The following ACACB variants were observed in gnomAD, a reference collection of about 807,000 sequenced individuals.
The protein encoded by ACACB is acetyl-CoA carboxylase beta.
A neutral mutation model predicts 278.8 loss-of-function variants in ACACB; 209 were observed. The ratio of observed to expected loss-of-function variants is 0.75; its 90% CI spans 0.67 to 0.84. ACACB has a LOEUF of 0.84. Among genes scored for constraint, ACACB ranks in the 40% least tolerant of loss-of-function variants. ACACB has a pLI of 0.00. For synonymous variants in ACACB, 1,174 were observed against 1,285.6 expected (o/e 0.91, Z 1.86); for missense variants, 2,850 against 3,269.0 (o/e 0.87, Z 3.13).
At chr12:109,166,478 T>G (rs774219185) in intron 2 of ACACB, among the ~76,000 whole-genome samples, 1 of 150,326 alleles carries the variant, frequency 6.7e-6, no homozygotes, top group Non-Finnish European at 1.5e-5. Context: ...CATCAAGAGT[T>G]TGGACGAGCC....
chr12:109,247,621 T>C lies in ACACB; in HGVS notation c.5587T>C (p.Tyr1863His), dbSNP rs774939307. The C allele has an allele frequency of 5.0e-6, 8 of 1,613,604 alleles. No homozygotes were observed. Among genetic ancestry groups the C allele is most frequent in the Admixed American group, 1.7e-5 (1 of 60,022 alleles). Residue 1863 changes from tyrosine (Y) to histidine (H), a missense_variant, in exon 40 of 53, where the codon TAC (tyrosine) becomes CAC (histidine). Tyr to His is a moderately conservative substitution (Grantham distance 83, BLOSUM62 2). Transcript: ENST00000338432. ...ATTTTTTAAGGGATTTAAATACCTG[T>C]ACCTGACTCCCCAAGACTACACCAG... is the stretch of plus-strand genomic sequence containing the variant. ...EDPHKGFKYL[Y>H]LTPQDYTRIS...
intron 2 of ACACB, among the ~76,000 whole-genome samples, chr12:109,146,775 A>G (rs1363257854): frequency 6.6e-6 from 1 of 152,042 alleles, no homozygotes; most frequent in Non-Finnish European, 1.5e-5. Flanking sequence ...CCTGGGCTCA[A>G]GTGATCCTCC....
chr12:109,169,396 A>G (rs988021283), intron 4 of ACACB, among the ~76,000 whole-genome samples: 1 of 152,180 alleles, frequency 6.6e-6, no homozygotes, highest in African/African-American at 2.4e-5. Flanking sequence ...TCACACAACC[A>G]TCATGTGATG....
Position 109,133,863 on chromosome 12 carries a change from A to ATATTTT in ACACB, c.-9-5533_-9-5532insATTTTT, listed in dbSNP as rs55881936. 1.4e-4 allele frequency among the ~76,000 whole-genome samples: 10 copies of ATATTTT among 70,630 alleles called. 1 individual carries two copies. Among genetic ancestry groups the ATATTTT allele is most frequent in the African/African-American group, 4.4e-4 (5 of 11,272 alleles). The allele number at this position is 70,630 out of a possible 152,430, so 46.3% of individuals were successfully genotyped here. A position where few individuals can be genotyped will look rare whatever the true frequency, so the allele number is the denominator to read the frequency against. On this transcript the variant is annotated intron_variant, in intron 1 of 52. Coordinates refer to ENST00000338432, the MANE Select transcript of ACACB (RefSeq NM_001093.4). ...TATATATATATATATATATATATAT[A>ATATTTT]TTTTTTTTTTTTTTTTTTTCATTTT...
At chr12:109,182,154 T>G (rs1219471656) in intron 11 of ACACB, among the ~76,000 whole-genome samples, 4 of 152,110 alleles carry the variant, frequency 2.6e-5, no homozygotes, top group Non-Finnish European at 5.9e-5. Flanking sequence ...CTAGTATTTC[T>G]TATTGCCTGT....
chr12:109,148,821 T>C (rs1417408358), intron 2 of ACACB, among the ~76,000 whole-genome samples: 1 of 152,170 alleles, frequency 6.6e-6, no homozygotes, highest in Non-Finnish European at 1.5e-5. Context: ...TATGTGTTTG[T>C]ATGTGTGTGT....
At chr12:109,147,231 T>C (rs1206089883) in intron 2 of ACACB, among the ~76,000 whole-genome samples, 1 of 151,894 alleles carries the variant, frequency 6.6e-6, no homozygotes, top group Non-Finnish European at 1.5e-5. Flanking sequence ...TTTTTGTTTG[T>C]TTGTTTGTTT....
At chr12:109,189,127 G>A (rs2044773872) in intron 13 of ACACB, among the ~76,000 whole-genome samples, 1 of 152,146 alleles carries the variant, frequency 6.6e-6, no homozygotes, top group Non-Finnish European at 1.5e-5. Flanking sequence ...ACATGGGTGT[G>A]GAAAGGTATA....
Position 109,258,403 on chromosome 12 carries a change from C to T in ACACB, c.6360+39C>T, listed in dbSNP as rs554267608. On this transcript the variant is annotated intron_variant, in intron 46 of 52. Transcript: ENST00000338432. ...GAGCTGTGGCTGCTGGTTTAGCCAG[C>T]GGTACTGTCGAGAGTGGGTCCTGGG... 103 of 1,552,380 alleles carry T rather than the reference C, an allele frequency of 6.6e-5. 2 individuals are homozygous for T. In the South Asian group the frequency reaches 1.1e-3, roughly 16 times the overall value.
chr12:109,178,614 G>A (rs958599073), intron 9 of ACACB, among the ~76,000 whole-genome samples: 7 of 152,278 alleles, frequency 4.6e-5, no homozygotes, highest in Admixed American at 1.3e-4. Flanking sequence ...TTGGGCTGGC[G>A]GTGCAGCTGG....
rs1018065853 is a variant in ACACB, at chr12:109,187,766, C to T, written c.1981-233C>T. Among the ~76,000 whole-genome samples, 5 of 152,002 alleles carry T rather than the reference C, an allele frequency of 3.3e-5. No homozygotes were observed. In the East Asian group the frequency reaches 9.7e-4, roughly 29 times the overall value. ...TGAGCCACTGCGACTGAACCAACTT[C>T]GTTATTTTTTTACAGTTAAAAAAAA... On this transcript the variant is annotated intron_variant, in intron 12 of 52. Transcript: ENST00000338432.
intron 50 of ACACB, 42 bp from the exon 51 acceptor site, chr12:109,265,065 TCTC>T (rs1452828281): frequency 7.0e-6 from 11 of 1,569,378 alleles, no homozygotes; most frequent in African/African-American, 1.4e-5. Context: ...CAGTGTCCCG[TCTC>T]CTCCTTCCCT....
chr12:109,238,358 T>A (rs1447463568), intron 34 of ACACB, among the ~76,000 whole-genome samples: 2 of 144,098 alleles, frequency 1.4e-5, no homozygotes, highest in Non-Finnish European at 3.0e-5. Context: ...TTTTTTTTTT[T>A]ACTAATCCCC....
rs1456638163 is a variant in ACACB at position 109,251,745 on chromosome 12, A to G, written c.5791-301A>G. On this transcript the variant is annotated intron_variant, in intron 41 of 52. Transcript: ENST00000338432. The stretch of plus-strand genomic sequence containing the variant: ...GGTTGTTAAGAGGCTGCAATGGCCC[A>G]TGAATGCCCAGGCTCAGAAGAGCTG... Among the ~76,000 whole-genome samples, 15 of 152,336 alleles carry G rather than the reference A, an allele frequency of 9.8e-5. No homozygotes were observed. In the East Asian group the frequency reaches 2.7e-3, roughly 27 times the overall value.
chr12:109,228,755 G>T (rs2046390122), intron 28 of ACACB, among the ~76,000 whole-genome samples: 2 of 152,078 alleles, frequency 1.3e-5, no homozygotes, highest in South Asian at 2.1e-4. Flanking sequence ...ATTCTGTCAT[G>T]GTAGAAAGTT....
intron 1 of ACACB, among the ~76,000 whole-genome samples, chr12:109,136,035 T>C (rs2042959285): frequency 6.6e-6 from 1 of 152,012 alleles, no homozygotes; most frequent in Non-Finnish European, 1.5e-5. Context: ...ATAGTCTTGA[T>C]CTCCTGACCT....
Position 109,199,384 on chromosome 12 carries a change from A to G in ACACB, c.2628-18A>G. On this transcript the variant is annotated intron_variant, in intron 17 of 52. Coordinates refer to ENST00000338432, the MANE Select transcript of ACACB (RefSeq NM_001093.4). ...TAGTCCTCATCAGTCTCCCTACCCG[A>G]CTCCTCCTCTCTCCCAGTTACCGAA... The G allele has an allele frequency of 6.9e-7, 1 of 1,454,388 alleles. No homozygotes were observed. Among genetic ancestry groups the G allele is most frequent in the Non-Finnish European group, 9.1e-7 (1 of 1,096,394 alleles). The allele number at this position is 1,454,388 out of a possible 1,614,324, so 90.1% of individuals were successfully genotyped here. A position where few individuals can be genotyped will look rare whatever the true frequency, so the allele number is the denominator to read the frequency against.
chr12:109,163,072 CGCCACCAAGCCCG>C, intron 2 of ACACB, among the ~76,000 whole-genome samples: 1 of 152,178 alleles, frequency 6.6e-6, no homozygotes, highest in East Asian at 1.9e-4. Flanking sequence ...TACAGGTGCA[CGCCACCAAGCCCG>C]GCTAATTTTT....
chr12:109,202,220 C>G (rs2045356735), intron 19 of ACACB, among the ~76,000 whole-genome samples: 1 of 117,618 alleles, frequency 8.5e-6, no homozygotes, highest in Non-Finnish European at 2.1e-5. Flanking sequence ...ATGTACAGAA[C>G]AGTTATGTAA....
Sources: allele counts gnomAD v4.1 joint callset (sites outside exome capture counted in the v4.1 genomes callset), GRCh38; gene constraint gnomAD v4.1.1; transcripts MANE v1.5; gene names NCBI Gene and HGNC (gene_info 2026-07-23, HGNC 2026-07-21).